Variants in RYR3 observed in about 807,000 individuals in gnomAD.
RYR3 encodes the protein brain ryanodine receptor-calcium release channel.
Under a neutral mutation model 584.3 loss-of-function variants are expected in RYR3, and 207 were observed. The ratio of observed to expected loss-of-function variants is 0.35; its 90% CI spans 0.32 to 0.40. The LOEUF is 0.40. Ranked by LOEUF, RYR3 falls within the 10% of genes least tolerant of loss-of-function variation. The pLI, the probability that RYR3 is intolerant of heterozygous loss-of-function variation, is 1.00. For synonymous variants in RYR3, 2,416 were observed against 2,248.5 expected (o/e 1.07, Z -2.11); for missense variants, 5,616 against 6,089.2 (o/e 0.92, Z 2.59).
intron 6 of RYR3, among the ~76,000 whole-genome samples, chr15:33,540,065 G>T (rs1001882946): frequency 6.6e-6 from 1 of 152,104 alleles, no homozygotes; most frequent in African/African-American, 2.4e-5. Context: ...CGTGATCATG[G>T]TGTCCGGAAC....
chr15:33,744,775 G>C (rs1054591359), intron 52 of RYR3, among the ~76,000 whole-genome samples: 2 of 152,208 alleles, frequency 1.3e-5, no homozygotes, highest in Non-Finnish European at 2.9e-5. Flanking sequence ...AGGACATGGA[G>C]TAGGATGGGT....
Position 33,635,718 on chromosome 15 carries a change from G to A in RYR3, c.3280G>A (p.Val1094Met), listed in dbSNP as rs765978043. ...SGKWYFEFEV[V>M]TGGDMRVGWA... ...AAAGTGGTATTTTGAGTTTGAAGTG[G>A]TGACTGGAGGAGACATGCGAGTCGG... The change falls in exon 26 of 104, where the codon GTG becomes ATG. Residue 1094 changes from valine to methionine, a missense_variant. Val to Met is a conservative substitution (Grantham distance 21, BLOSUM62 1). Around this residue, in one of 9 missense-constraint regions of RYR3, gnomAD observed 4 missense variants for 18.6 expected, o/e 0.21. Transcript: ENST00000634891. 2 of 1,613,990 alleles carry A rather than the reference G, an allele frequency of 1.2e-6. No homozygotes were observed. The highest frequency in any genetic ancestry group is 1.7e-6 in the Non-Finnish European group (2 of 1,179,876).
At chr15:33,467,429 T>G (rs1433039751) in intron 1 of RYR3, 1 of 974,316 alleles carries the variant, frequency 1.0e-6, no homozygotes, top group Admixed American at 6.2e-5. Context: ...TCCCCAGCCA[T>G]CAGCTCAGAG....
intron 3 of RYR3, among the ~76,000 whole-genome samples, chr15:33,524,224 A>G (rs1433586440): frequency 1.3e-5 from 2 of 152,192 alleles, no homozygotes; most frequent in Non-Finnish European, 2.9e-5. Flanking sequence ...AGCCAGCCAA[A>G]TGGCTATTTC....
intron 2 of RYR3, 57 bp from the exon 3 acceptor site, chr15:33,503,574 G>T (rs41279198): frequency 9.8e-6 from 10 of 1,015,712 alleles, no homozygotes; most frequent in Non-Finnish European, 1.5e-5. Context: ...ATGTTGTTGC[G>T]TGACTGATCT....
chr15:33,729,198 G>A (rs926838207), intron 47 of RYR3, among the ~76,000 whole-genome samples, 172 bp downstream of exon 47: 1 of 152,118 alleles, frequency 6.6e-6, no homozygotes, highest in African/African-American at 2.4e-5. Context: ...TATTGGGCCA[G>A]AGACTTAGAT....
At chr15:33,819,945 G>A in intron 77 of RYR3, 138 bp downstream of exon 77, 1 of 569,684 alleles carries the variant, frequency 1.8e-6, no homozygotes, top group Non-Finnish European at 3.1e-6. Context: ...CACAATTCAT[G>A]TGCCATAGAG....
At chr15:33,769,212 T>A in intron 62 of RYR3, 40 bp downstream of exon 62, 1 of 1,402,132 alleles carries the variant, frequency 7.1e-7, no homozygotes, top group Non-Finnish European at 1.0e-6. Context: ...TCTCATGACT[T>A]CCTCTCTGAC....
chr15:33,774,479 T>A (rs942893766), intron 64 of RYR3, among the ~76,000 whole-genome samples: 1 of 152,226 alleles, frequency 6.6e-6, no homozygotes, highest in African/African-American at 2.4e-5. Context: ...AACCCTCGTC[T>A]CATGTCAGAA....
At chr15:33,631,460 G>C (rs1164643307) in intron 23 of RYR3, among the ~76,000 whole-genome samples, 167 bp downstream of exon 23, 2 of 152,156 alleles carry the variant, frequency 1.3e-5, no homozygotes, top group Non-Finnish European at 2.9e-5. Flanking sequence ...TAGAAGCCTG[G>C]TGAAGAAGTA....
chr15:33,554,257 A>C (rs1324843686), intron 10 of RYR3, among the ~76,000 whole-genome samples: 1 of 151,314 alleles, frequency 6.6e-6, no homozygotes, highest in Non-Finnish European at 1.5e-5. Flanking sequence ...ACCTTGAAAT[A>C]GAGTGAAATC....
At chr15:33,407,388 C>G (rs915019684) in intron 1 of RYR3, among the ~76,000 whole-genome samples, 1 of 152,148 alleles carries the variant, frequency 6.6e-6, no homozygotes, top group Non-Finnish European at 1.5e-5. Context: ...CTGGAAGAGA[C>G]CTGATGGAGA....
At position 33,662,755 on chromosome 15, in the gene RYR3, A is replaced by C. The variant is rs998186864; in HGVS notation, c.5225A>C (p.Asp1742Ala). The C allele has an allele frequency of 6.2e-7, 1 of 1,613,922 alleles. No individual in the cohort carries two copies. The change falls in exon 35 of 104, where the codon GAT (aspartate) becomes GCT (alanine). Residue 1742 changes from aspartate (D) to alanine (A), a missense_variant. By Grantham distance (126) the Asp-to-Ala change is moderately radical. Around this residue, in one of 9 missense-constraint regions of RYR3, gnomAD observed 753 missense variants for 741.0 expected, o/e 1.02. Transcript: ENST00000634891. ...GTCATGGGCGTGTTTGATGATGATG[A>C]TGTTCGGCAGATCCTCCTCCTGATT... ...LLVMGVFDDDDVRQILLLIDP... is the reference protein window; with the variant it reads ...LLVMGVFDDDAVRQILLLIDP...
At chr15:33,630,144 A>G in intron 22 of RYR3, 101 bp downstream of exon 22, 1 of 639,928 alleles carries the variant, frequency 1.6e-6, no homozygotes. Flanking sequence ...AAAACGTGGC[A>G]CATTCTGATA....
chr15:33,516,988 TTTATTA>T (rs758912762), intron 3 of RYR3, among the ~76,000 whole-genome samples: 2 of 152,084 alleles, frequency 1.3e-5, no homozygotes, highest in Non-Finnish European at 2.9e-5. Flanking sequence ...TACCTTTTAT[TTTATTA>T]TTATTATTAT....
rs113478730 is a variant in RYR3, at chr15:33,645,249, C to A, written c.3765+730C>A. Reference sequence around the variant, plus strand: ...GATTGTAAGGAGCCTAACTTTAGTTCTGGCCCTACATGGACTAAGACTTGC... The same window carrying A: ...GATTGTAAGGAGCCTAACTTTAGTTATGGCCCTACATGGACTAAGACTTGC... On this transcript the variant is annotated intron_variant, in intron 28 of 103. Transcript: ENST00000634891. 3.0e-3 allele frequency among the ~76,000 whole-genome samples: 458 copies of A among 152,274 alleles called. 2 individuals are homozygous for A. The highest frequency in any genetic ancestry group is 0.011 in the African/African-American group (443 of 41,558).
At chr15:33,804,106 C>T (rs891640980) in intron 69 of RYR3, among the ~76,000 whole-genome samples, 2 of 152,140 alleles carry the variant, frequency 1.3e-5, no homozygotes, top group Non-Finnish European at 2.9e-5. Flanking sequence ...TGAGGAAAAG[C>T]GGGTGTTTGT....
At chr15:33,620,236 C>T (rs1027716145) in intron 19 of RYR3, among the ~76,000 whole-genome samples, 3 of 152,152 alleles carry the variant, frequency 2.0e-5, no homozygotes, top group African/African-American at 7.2e-5. Context: ...AGCTCTATCA[C>T]CAGGAAAATG....
Position 33,635,797 on chromosome 15 carries a change from C to A in RYR3, c.3359C>A (p.Ala1120Asp). The A allele has an allele frequency of 1.2e-6, 2 of 1,612,988 alleles. No homozygotes were observed. The highest frequency in any genetic ancestry group is 1.7e-6 in the Non-Finnish European group (2 of 1,179,758). ...GTCGAGCTGGGGGCCGATGACCAAG[C>A]CTTTGTGTTTGAAGGCAACAGGGTG... ...PDVELGADDQ[A>D]FVFEGNRGQR... is the part of the protein sequence containing the mutation. The change falls in exon 26 of 104, where the codon GCC becomes GAC. Residue 1120 changes from alanine to aspartate, a missense_variant. Ala to Asp is a moderately radical substitution (Grantham distance 126). Around this residue, in one of 9 missense-constraint regions of RYR3, gnomAD observed 152 missense variants for 200.9 expected, o/e 0.76. Transcript: ENST00000634891.
Sources: gnomAD v4.1 joint callset for allele counts (sites outside exome capture counted in the v4.1 genomes callset) on GRCh38, gnomAD v4.1.1 for gene constraint, gnomAD v4.1.1 regional missense constraint, MANE v1.5 for transcripts, NCBI Gene and HGNC (gene_info 2026-07-23, HGNC 2026-07-21) for gene names.